Variants in CLDN19 observed in about 807,000 individuals in gnomAD.
CLDN19 encodes claudin 19.
In CLDN19, 19 loss-of-function variants were observed where a neutral mutation model predicts 24.5. That is an observed-to-expected ratio of 0.78 (90% CI 0.54 to 1.14). The LOEUF (loss-of-function observed/expected upper bound fraction) is 1.14, where lower values mean the gene tolerates loss of function less well. CLDN19 is among the 50% of genes most tolerant of loss of function. The probability of loss-of-function intolerance (pLI) is 0.00; values close to 1 mark genes in which losing one functional copy is unlikely to be tolerated. For missense variants in CLDN19, 250 were observed against 295.9 expected (o/e 0.84, Z 1.14); for synonymous variants, 117 against 129.6 (o/e 0.90, Z 0.66).
chr1:42,736,156 A>C, intron 3 of CLDN19, 126 bp from the exon 4 acceptor site: 1 of 637,292 alleles, frequency 1.6e-6, no homozygotes, highest in South Asian at 1.9e-5. Flanking sequence ...CCTCTTCCAT[A>C]TCTCCAGATA....
chr1:42,737,989 G>GGGATTGAAACCCAGAGCCA lies in CLDN19; in HGVS notation c.473+221_473+239dup, dbSNP rs537669217. On this transcript the variant is annotated intron_variant, in intron 3 of 4. Coordinates refer to ENST00000296387, the MANE Select transcript of CLDN19 (RefSeq NM_148960.3). ...TGAGCCACTGCACCCAGCCAGAGCT[G>GGGATTGAAACCCAGAGCCA]GGATTGAAACCCAGAGCCAGGGCAC... is the stretch of plus-strand genomic sequence containing the variant. Among the ~76,000 whole-genome samples, 201 of 152,362 alleles carry GGGATTGAAACCCAGAGCCA rather than the reference G, an allele frequency of 1.3e-3. 1 individual carries two copies. The highest frequency in any genetic ancestry group is 2.6e-3 in the Non-Finnish European group (174 of 68,032).
rs1570445278 is a variant in CLDN19 at position 42,738,642 on chromosome 1, G to A, written c.224-57C>T. The A allele has an allele frequency of 3.2e-6, 5 of 1,565,646 alleles. No homozygotes were observed. The East Asian group carries it at 1.2e-4, about 36-fold the overall frequency. Reference sequence around the variant, plus strand: ...TGGCGGGGATGGGGGTTGGGTCGGTGCCTGGGGTCGGTGGAAGGAGCCCAG... The same window carrying A: ...TGGCGGGGATGGGGGTTGGGTCGGTACCTGGGGTCGGTGGAAGGAGCCCAG... On this transcript the variant is annotated intron_variant, in intron 1 of 4. Coordinates refer to ENST00000296387, the MANE Select transcript of CLDN19 (RefSeq NM_148960.3).
At chr1:42,737,347 AC>A (rs930195624) in intron 3 of CLDN19, among the ~76,000 whole-genome samples, 19 of 152,120 alleles carry the variant, frequency 1.2e-4, no homozygotes, top group African/African-American at 4.6e-4. Flanking sequence ...CGCTGCCTCC[AC>A]CCAAATGAGG....
chr1:42,736,068 C>A, intron 3 of CLDN19, 38 bp from the exon 4 acceptor site: 1 of 1,408,058 alleles, frequency 7.1e-7, no homozygotes, highest in Non-Finnish European at 9.9e-7. Context: ...GGTGTGGCTG[C>A]CGTCTCAGGT....
rs750311451 is a variant in CLDN19 at position 42,738,448 on chromosome 1, C to T, written c.361G>A (p.Ala121Thr). The stretch of plus-strand genomic sequence containing the variant: ...GCCAGGATGAAGAGGGCTCCCCCGG[C>T]GATGGCAACACGGCCCTTGGCAATG... The part of the protein sequence containing the change: ...NPIAKGRVAI[A>T]GGALFILAGL... The change falls in exon 2 of 5, where the codon GCC (alanine) becomes ACC (threonine). Residue 121 changes from alanine to threonine, a missense_variant. By Grantham distance (58) the Ala-to-Thr change is moderately conservative. Coordinates refer to ENST00000296387, the MANE Select transcript of CLDN19 (RefSeq NM_148960.3). 1 of 1,614,022 alleles carries T rather than the reference C, an allele frequency of 6.2e-7. No homozygotes were observed. The highest frequency in any genetic ancestry group is 8.5e-7 in the Non-Finnish European group (1 of 1,180,042).
intron 3 of CLDN19, among the ~76,000 whole-genome samples, chr1:42,737,298 C>T (rs559001399): frequency 1.1e-4 from 16 of 152,334 alleles, no homozygotes; most frequent in South Asian, 1.0e-3. Flanking sequence ...GGTGTCACTC[C>T]CTCCCCACCA....
chr1:42,735,229 G>T (rs573827426), intron 4 of CLDN19, 95 bp from the exon 5 acceptor site: 4 of 1,583,852 alleles, frequency 2.5e-6, no homozygotes, highest in Admixed American at 1.8e-5. Flanking sequence ...GTACTGGCCA[G>T]CGTGGCCAGA....
rs1397759529 is a variant in CLDN19 at position 42,734,814 on chromosome 1, G to T, written c.*272C>A. 4.4e-6 allele frequency: 2 copies of T among 453,956 alleles called. No homozygotes were observed. The highest frequency in any genetic ancestry group is 8.0e-6 in the Non-Finnish European group (2 of 249,886). 28.1% of individuals were successfully genotyped at this position (453,956 alleles called of 1,614,324 possible). A position where few individuals can be genotyped will look rare whatever the true frequency, so the allele number is the denominator to read the frequency against. On this transcript the variant is annotated 3_prime_UTR_variant, in exon 5 of 5. Coordinates refer to ENST00000296387, the MANE Select transcript of CLDN19 (RefSeq NM_148960.3). ...GGCCAAGGCCAGGCTTGGGAGGGGG[G>T]TCCCTAGACAGAGGGTAGGACCTCT...
chr1:42,737,031 C>T (rs1651395658), intron 3 of CLDN19, among the ~76,000 whole-genome samples: 1 of 152,194 alleles, frequency 6.6e-6, no homozygotes, highest in Non-Finnish European at 1.5e-5. Flanking sequence ...CATCTTTTCT[C>T]ATCCTCTCTC....
chr1:42,736,363 G>A (rs1393921987), intron 3 of CLDN19, among the ~76,000 whole-genome samples: 1 of 152,178 alleles, frequency 6.6e-6, no homozygotes, highest in East Asian at 1.9e-4. Context: ...CACGGGAGGA[G>A]TGGGGCAATC....
chr1:42,736,920 C>G (rs1021445486), intron 3 of CLDN19, among the ~76,000 whole-genome samples: 1 of 152,180 alleles, frequency 6.6e-6, no homozygotes, highest in Admixed American at 6.5e-5. Flanking sequence ...GCTGCAGCCA[C>G]CACCCAGGGA....
Position 42,738,509 on chromosome 1 carries a change from A to C in CLDN19, c.300T>G (p.Val100=). The change falls in exon 2 of 5, where the codon GTT becomes GTG. Residue 100 remains valine (V), a synonymous_variant. Coordinates refer to ENST00000296387, the MANE Select transcript of CLDN19 (RefSeq NM_148960.3). ...CTCCCACCCGCGTACACTTCATGCC[A>C]ACTACGCTGAGGACCATGGCCACGA... ...LGFVAMVLSV[V]GMKCTRVGDS... The C allele has an allele frequency of 6.2e-7, 1 of 1,614,048 alleles. No individual in the cohort carries two copies.
At chr1:42,739,416 G>C (rs1327319934) in intron 1 of CLDN19, among the ~76,000 whole-genome samples, 1 of 152,238 alleles carries the variant, frequency 6.6e-6, no homozygotes, top group Non-Finnish European at 1.5e-5. Context: ...GCACCCATAT[G>C]CTGGCACACA....
intron 4 of CLDN19, chr1:42,735,664 T>C (rs1651340259): frequency 8.3e-6 from 12 of 1,440,236 alleles, no homozygotes; most frequent in Non-Finnish European, 1.1e-5. Context: ...TCTGTGTGTA[T>C]GCCTGGGGGC....
In CLDN19 at chr1:42,739,984, A is replaced by G. The variant is rs769104160; in HGVS notation, c.80T>C (p.Leu27Pro). ...GWVGIIASTA[L>P]PQWKQSSYAG... The stretch of plus-strand genomic sequence containing the variant: ...GTAGGAAGACTGCTTCCACTGTGGC[A>G]GGGCTGTGCTAGCAATGATGCCCAC... The change falls in exon 1 of 5, where the codon CTG (leucine) becomes CCG (proline). Residue 27 changes from leucine (L) to proline (P), a missense_variant. Physicochemically the swap from Leu to Pro is moderately conservative, Grantham distance 98 (BLOSUM62 -3). Coordinates refer to ENST00000296387, the MANE Select transcript of CLDN19 (RefSeq NM_148960.3). 1.3e-6 allele frequency: 2 copies of G among 1,590,864 alleles called. No homozygotes were observed.
In CLDN19 at chr1:42,740,152, A is replaced by C. The variant is rs1651505630; in HGVS notation, c.-89T>G. The C allele has an allele frequency of 1.0e-6, 1 of 982,180 alleles. No homozygotes were observed. Among genetic ancestry groups the C allele is most frequent in the Non-Finnish European group, 1.6e-6 (1 of 640,958 alleles). 60.8% of individuals were successfully genotyped at this position (982,180 alleles called of 1,614,324 possible). ...TTGGTCATGGCCAGGTGGGAGGAGC[A>C]GCTGGGCAGGGGGAGCAGCGAGAAG... is the stretch of plus-strand genomic sequence containing the variant. On this transcript the variant is annotated 5_prime_UTR_variant, in exon 1 of 5. Transcript: ENST00000296387.
chr1:42,737,290 T>C (rs545208698), intron 3 of CLDN19, among the ~76,000 whole-genome samples: 206 of 152,278 alleles, frequency 1.4e-3, no homozygotes, highest in African/African-American at 4.6e-3. Context: ...GCCTTCCTGG[T>C]GTCACTCCCT....
At chr1:42,736,435 G>A (rs138122928) in intron 3 of CLDN19, among the ~76,000 whole-genome samples, 6 of 152,218 alleles carry the variant, frequency 3.9e-5, no homozygotes, top group African/African-American at 7.2e-5. Context: ...GACTGCTCCC[G>A]CTGCCCTCTG....
chr1:42,736,200 C>A (rs999303887), intron 3 of CLDN19, among the ~76,000 whole-genome samples, 170 bp from the exon 4 acceptor site: 5 of 152,324 alleles, frequency 3.3e-5, no homozygotes, highest in East Asian at 1.9e-4. Flanking sequence ...TCTCCCTCCC[C>A]CCCAGCCCAG....
Sources: allele counts gnomAD v4.1 joint callset (sites outside exome capture counted in the v4.1 genomes callset), GRCh38; gene constraint gnomAD v4.1.1; transcripts MANE v1.5; gene names NCBI Gene and HGNC (gene_info 2026-07-23, HGNC 2026-07-21).